Variants in DIPK2B observed in about 807,000 individuals in gnomAD.
DIPK2B encodes UPF0672 protein CXorf36.
Under a neutral mutation model 22.2 loss-of-function variants are expected in DIPK2B, and 15 were observed. That is an observed-to-expected ratio of 0.68 (90% CI 0.45 to 1.04). The LOEUF is 1.04. Ranked by LOEUF, DIPK2B falls within the 50% of genes least tolerant of loss-of-function variation. The pLI, the probability that DIPK2B is intolerant of heterozygous loss-of-function variation, is 0.00. For missense variants in DIPK2B, 345 were observed against 348.3 expected (o/e 0.99, Z 0.08); for synonymous variants, 163 against 153.2 (o/e 1.06, Z -0.47).
intron 2 of DIPK2B, among the ~76,000 whole-genome samples, chrX:45,169,704 C>A (rs5952703): frequency 0.31 from 33,949 of 111,189 alleles, 4,561 homozygotes; most frequent in African/African-American, 0.52. Context: ...CAGGCTGTGG[C>A]GTGCTTTGTA....
chrX:45,158,888 T>C (rs1231588365), intron 2 of DIPK2B, among the ~76,000 whole-genome samples: 1 of 112,197 alleles, frequency 8.9e-6, no homozygotes, highest in Admixed American at 9.4e-5. Flanking sequence ...TGAACCTCAT[T>C]GTGCAGCCAA....
At chrX:45,153,474 TTGTGTGTG>T (rs34281975) in intron 4 of DIPK2B, among the ~76,000 whole-genome samples, 811 of 73,843 alleles carry the variant, frequency 0.011, 9 homozygotes, top group South Asian at 0.06. Flanking sequence ...CCCAAAAGTT[TTGTGTGTG>T]TGTGTGTGTG....
chrX:45,198,483 T>C (rs1235069781), intron 1 of DIPK2B, among the ~76,000 whole-genome samples: 2 of 111,346 alleles, frequency 1.8e-5, no homozygotes, highest in African/African-American at 6.5e-5. Flanking sequence ...TGCTTGTATC[T>C]GCACACTTCC....
At chrX:45,157,486 G>A (rs1029441258) in intron 3 of DIPK2B, among the ~76,000 whole-genome samples, 5 of 111,791 alleles carry the variant, frequency 4.5e-5, no homozygotes, top group African/African-American at 1.6e-4. Context: ...GGTGGCTACT[G>A]TTCCCTCCTA....
chrX:45,187,571 C>T (rs898681604), intron 2 of DIPK2B, among the ~76,000 whole-genome samples: 1 of 111,259 alleles, frequency 9.0e-6, no homozygotes, highest in African/African-American at 3.3e-5. Context: ...CCTGCCGTAG[C>T]TGTACTGCAC....
chrX:45,182,752 T>C (rs1318974977), intron 2 of DIPK2B, among the ~76,000 whole-genome samples: 1 of 112,974 alleles, frequency 8.9e-6, no homozygotes, highest in East Asian at 2.8e-4. Context: ...TAGCATGATG[T>C]GTTGTGTACA....
chrX:45,163,896 G>T (rs2047034531), intron 2 of DIPK2B: 1 of 879,092 alleles, frequency 1.1e-6, no homozygotes, highest in South Asian at 6.2e-5. Flanking sequence ...ATCACAGGGG[G>T]ATCACATCTG....
chrX:45,181,782 A>G (rs1168951945), intron 2 of DIPK2B, among the ~76,000 whole-genome samples: 2 of 112,226 alleles, frequency 1.8e-5, no homozygotes, highest in Admixed American at 1.9e-4. Flanking sequence ...TCTTGACCAC[A>G]CGATAAACAG....
chrX:45,161,396 G>A (rs1422662972), intron 2 of DIPK2B, among the ~76,000 whole-genome samples: 1 of 112,149 alleles, frequency 8.9e-6, no homozygotes. Context: ...ACAAAAACTA[G>A]CCAGACATGG....
At position 45,168,264 on chromosome X, in the gene DIPK2B, T is replaced by C. The variant is rs1306328300; in HGVS notation, c.499-10376A>G. On this transcript the variant is annotated intron_variant, in intron 2 of 4. Transcript: ENST00000398000. ...TCAGTTCAGGTTCCCTGAAACTCAATCACTAAAGGAAGAAAGTCAGGTGCA... is the reference window on the plus strand; with the variant it reads ...TCAGTTCAGGTTCCCTGAAACTCAACCACTAAAGGAAGAAAGTCAGGTGCA... Among the ~76,000 whole-genome samples the C allele has an allele frequency of 1.5e-4, 17 of 112,296 alleles. No individual in the cohort carries two copies. In the Admixed American group the frequency reaches 1.6e-3, roughly 11 times the overall value.
chrX:45,191,187 C>G (rs1342118938), intron 2 of DIPK2B, among the ~76,000 whole-genome samples: 2 of 112,632 alleles, frequency 1.8e-5, no homozygotes, highest in Non-Finnish European at 3.8e-5. Flanking sequence ...GTTCCCAGCA[C>G]AGCATGCCCA....
Position 45,151,633 on chromosome X carries a change from C to A in DIPK2B, c.*19G>T, listed in dbSNP as rs754397132. 1 of 1,193,137 alleles carries A rather than the reference C, an allele frequency of 8.4e-7. No homozygotes were observed. The highest frequency in any genetic ancestry group is 2.2e-5 in the Admixed American group (1 of 45,225). On this transcript the variant is annotated 3_prime_UTR_variant, in exon 5 of 5. Coordinates refer to ENST00000398000, the MANE Select transcript of DIPK2B (RefSeq NM_176819.4). The stretch of plus-strand genomic sequence containing the variant: ...AGAGCCAAGCGTGTTGTCCCCAAGG[C>A]CAGCTAGACACCAGCCCTTCAGAAC...
intron 2 of DIPK2B, among the ~76,000 whole-genome samples, chrX:45,173,568 TTCTTTCTTTCTTTTTC>T (rs1329028262): frequency 2.8e-5 from 3 of 106,854 alleles, no homozygotes; most frequent in Non-Finnish European, 5.7e-5. Context: ...TCTTCTTTCA[TTCTTTCTTTCTTTTTC>T]TCTTTCTTTC....
chrX:45,164,352 G>C, intron 2 of DIPK2B: 1 of 851,162 alleles, frequency 1.2e-6, no homozygotes, highest in Non-Finnish European at 1.6e-6. Context: ...ATGGCAGATA[G>C]CATTATCCAG....
rs989313672 is a variant in DIPK2B, at chrX:45,169,429, C to T, written c.499-11541G>A. ...TTGGCTGATCTCTTGGATCTTTGGT[C>T]CCCCGTATCAGTTTGCAGTGTCATC... On this transcript the variant is annotated intron_variant, in intron 2 of 4. Coordinates refer to ENST00000398000, the MANE Select transcript of DIPK2B (RefSeq NM_176819.4). 2.7e-5 allele frequency among the ~76,000 whole-genome samples: 3 copies of T among 111,849 alleles called. No individual in the cohort carries two copies. In the Admixed American group the frequency reaches 2.8e-4, roughly 11 times the overall value.
At chrX:45,199,940 C>A (rs889896194) in intron 1 of DIPK2B, among the ~76,000 whole-genome samples, 5 of 112,037 alleles carry the variant, frequency 4.5e-5, no homozygotes, top group Non-Finnish European at 9.4e-5. Flanking sequence ...TTCCTCTGAT[C>A]AAGGCAATCT....
chrX:45,157,912 G>T (rs747539687), intron 2 of DIPK2B, 24 bp from the exon 3 acceptor site: 1 of 1,105,340 alleles, frequency 9.0e-7, no homozygotes, highest in Admixed American at 2.7e-5. Context: ...GGAGAGAGGC[G>T]GGAGAAGAAG....
chrX:45,183,837 T>C lies in DIPK2B; in HGVS notation c.498+7914A>G, dbSNP rs756561913. On this transcript the variant is annotated intron_variant, in intron 2 of 4. Transcript: ENST00000398000. Reference sequence around the variant, plus strand: ...CTAACAACTAACGGATTAACCCCTATAGAGAAAGAAAGCTTTTTATTTGGC... The same window carrying C: ...CTAACAACTAACGGATTAACCCCTACAGAGAAAGAAAGCTTTTTATTTGGC... Among the ~76,000 whole-genome samples the C allele has an allele frequency of 7.3e-4, 81 of 111,691 alleles. 3 individuals are homozygous for C. The highest frequency in any genetic ancestry group is 4.2e-3 in the Middle Eastern group (1 of 238).
intron 2 of DIPK2B, among the ~76,000 whole-genome samples, chrX:45,171,258 C>T (rs981607910): frequency 9.0e-6 from 1 of 110,909 alleles, no homozygotes; most frequent in Non-Finnish European, 1.9e-5. Context: ...CGTGACCCTG[C>T]CCTACTTTTG....
Sources: allele counts gnomAD v4.1 joint callset (sites outside exome capture counted in the v4.1 genomes callset), GRCh38; gene constraint gnomAD v4.1.1; transcripts MANE v1.5; gene names NCBI Gene and HGNC (gene_info 2026-07-23, HGNC 2026-07-21).